The following LEPR variants were observed in gnomAD, a reference collection of about 807,000 sequenced individuals.
The protein encoded by LEPR is OB receptor.
A neutral mutation model predicts 114.7 loss-of-function variants in LEPR; 56 were observed. That is an observed-to-expected ratio of 0.49 (90% CI 0.39 to 0.61). The LOEUF is 0.61. LEPR is among the 20% of genes least tolerant of loss of function. The pLI, the probability that LEPR is intolerant of heterozygous loss-of-function variation, is 0.00. For synonymous variants in LEPR, 443 were observed against 461.4 expected, an observed-to-expected ratio of 0.96 and a Z score of 0.51; for missense variants, 1,202 against 1,352.9, an observed-to-expected ratio of 0.89 and a Z score of 1.75.
rs539005264 is a variant in LEPR at position 65,543,946 on chromosome 1, G to A, written c.-20-21600G>A. Among the ~76,000 whole-genome samples the A allele has an allele frequency of 3.3e-5, 5 of 152,082 alleles. No homozygotes were observed. In the South Asian group the frequency reaches 8.3e-4, roughly 25 times the overall value. ...TTTTGCTTAGGATTGTCTTGGCTGT[G>A]CAGGCTCTCTTTTGGTTCCATATGA... On this transcript the variant is annotated intron_variant, in intron 2 of 19. Transcript: ENST00000349533.
intron 2 of LEPR, among the ~76,000 whole-genome samples, chr1:65,544,316 G>A (rs1651473946): frequency 6.6e-6 from 1 of 152,000 alleles, no homozygotes; most frequent in African/African-American, 2.4e-5. Context: ...TGCTGAAGTT[G>A]CTTATCAGCT....
At chr1:65,456,138 G>A (rs1390768971) in intron 2 of LEPR, among the ~76,000 whole-genome samples, 6 of 152,098 alleles carry the variant, frequency 3.9e-5, no homozygotes, top group Non-Finnish European at 8.8e-5. Flanking sequence ...GCCCAGCTTC[G>A]GCTCGTGCAC....
chr1:65,423,984 ATAAGG>A (rs1646306431), intron 1 of LEPR, among the ~76,000 whole-genome samples: 2 of 152,218 alleles, frequency 1.3e-5, no homozygotes, highest in African/African-American at 4.8e-5. Flanking sequence ...CATAAGCTCA[ATAAGG>A]TGGCACCATT....
At chr1:65,508,270 T>C (rs12068561) in intron 2 of LEPR, among the ~76,000 whole-genome samples, 101,682 of 152,098 alleles carry the variant, frequency 0.67, 35,015 homozygotes, top group Middle Eastern at 0.86. Context: ...CCCAGACCAA[T>C]GTCGTGAAAC....
At chr1:65,502,053 C>A (rs1056912005) in intron 2 of LEPR, among the ~76,000 whole-genome samples, 1 of 152,072 alleles carries the variant, frequency 6.6e-6, no homozygotes. Flanking sequence ...AAATGATTGA[C>A]CACTGGAAGG....
At chr1:65,626,541 A>G (rs1455930077) in intron 19 of LEPR, among the ~76,000 whole-genome samples, 2 of 152,246 alleles carry the variant, frequency 1.3e-5, no homozygotes, top group African/African-American at 4.8e-5. Flanking sequence ...TAAAGAGTAA[A>G]GGAGAATATA....
At chr1:65,490,393 T>C (rs1195737349) in intron 2 of LEPR, among the ~76,000 whole-genome samples, 1 of 152,120 alleles carries the variant, frequency 6.6e-6, no homozygotes, top group African/African-American at 2.4e-5. Flanking sequence ...GCACAGTTTA[T>C]TTAGAGCCTT....
chr1:65,458,727 G>T (rs1489400215), intron 2 of LEPR, among the ~76,000 whole-genome samples: 1 of 151,852 alleles, frequency 6.6e-6, no homozygotes, highest in African/African-American at 2.4e-5. Flanking sequence ...TCTTTGGTTT[G>T]GTGTCTGCTA....
chr1:65,620,086 T>C, intron 17 of LEPR, 63 bp downstream of exon 17: 1 of 1,215,616 alleles, frequency 8.2e-7, no homozygotes, highest in African/African-American at 1.5e-5. Flanking sequence ...TTTGCAGTAA[T>C]ATTGCCATCT....
intron 2 of LEPR, among the ~76,000 whole-genome samples, chr1:65,529,190 G>A (rs1291286815): frequency 6.6e-6 from 1 of 151,744 alleles, no homozygotes; most frequent in Non-Finnish European, 1.5e-5. Flanking sequence ...TGAGATTAAG[G>A]GATTTCTTCT....
At chr1:65,497,491 A>T (rs1648225777) in intron 2 of LEPR, among the ~76,000 whole-genome samples, 1 of 152,110 alleles carries the variant, frequency 6.6e-6, no homozygotes, top group Non-Finnish European at 1.5e-5. Flanking sequence ...TCCAATAGTA[A>T]CTTTGTCCTG....
intron 2 of LEPR, among the ~76,000 whole-genome samples, chr1:65,545,924 G>T (rs971437642): frequency 2.0e-5 from 3 of 151,584 alleles, no homozygotes; most frequent in Non-Finnish European, 2.9e-5. Flanking sequence ...TTTCTTCTAG[G>T]GTTTTTATGG....
intron 2 of LEPR, among the ~76,000 whole-genome samples, chr1:65,506,204 A>G (rs142031689): frequency 6.8e-4 from 103 of 152,312 alleles, no homozygotes; most frequent in African/African-American, 2.4e-3. Flanking sequence ...AAAGTTGCCA[A>G]TGGCTGTCAC....
chr1:65,490,631 C>A (rs1647817118), intron 2 of LEPR, among the ~76,000 whole-genome samples: 1 of 152,044 alleles, frequency 6.6e-6, no homozygotes, highest in African/African-American at 2.4e-5. Flanking sequence ...GAAATGACAG[C>A]TTTTCAAGAT....
intron 2 of LEPR, among the ~76,000 whole-genome samples, chr1:65,473,307 G>T (rs1231132272): frequency 1.3e-5 from 2 of 152,168 alleles, no homozygotes; most frequent in Non-Finnish European, 2.9e-5. Flanking sequence ...TTGACACCAT[G>T]CATAATTCCT....
chr1:65,447,523 A>AT (rs1553153178), intron 2 of LEPR, among the ~76,000 whole-genome samples: 3 of 105,862 alleles, frequency 2.8e-5, no homozygotes, highest in African/African-American at 6.0e-5. Flanking sequence ...TGGTATTGTG[A>AT]TTTTTCTTTT....
At chr1:65,498,505 A>G (rs2100514917) in intron 2 of LEPR, among the ~76,000 whole-genome samples, 1 of 152,308 alleles carries the variant, frequency 6.6e-6, no homozygotes, top group South Asian at 2.1e-4. Flanking sequence ...ATGACCCAAG[A>G]ATGACGATGG....
intron 17 of LEPR, 69 bp downstream of exon 17, chr1:65,620,092 C>T (rs1400089947): frequency 3.4e-6 from 4 of 1,165,866 alleles, no homozygotes; most frequent in Middle Eastern, 2.0e-4. Context: ...GTAATATTGC[C>T]ATCTGATTAT....
intron 4 of LEPR, 36 bp from the exon 5 acceptor site, chr1:65,572,290 G>GTT (rs747467075): frequency 0.012 from 9,678 of 795,506 alleles, 41 homozygotes; most frequent in South Asian, 0.024. Flanking sequence ...TCATGTAGTT[G>GTT]TTTTTTTTTT....
Sources: allele counts gnomAD v4.1 joint callset (sites outside exome capture counted in the v4.1 genomes callset), GRCh38; gene constraint gnomAD v4.1.1; transcripts MANE v1.5; gene names NCBI Gene and HGNC (gene_info 2026-07-23, HGNC 2026-07-21).